Variants in SLC17A1 observed in about 807,000 individuals in gnomAD.
The protein encoded by SLC17A1 is sodium-dependent phosphate transport protein 1.
Under a neutral mutation model 53.5 loss-of-function variants are expected in SLC17A1, and 51 were observed. That is an observed-to-expected ratio of 0.95 (90% CI 0.76 to 1.20). The LOEUF (loss-of-function observed/expected upper bound fraction) is 1.20, where lower values mean the gene tolerates loss of function less well. Among genes scored for constraint, SLC17A1 ranks in the 50% most tolerant of loss-of-function variants. The pLI, the probability that SLC17A1 is intolerant of heterozygous loss-of-function variation, is 0.00. For synonymous variants in SLC17A1, 179 were observed against 198.8 expected, an observed-to-expected ratio of 0.90 and a Z score of 0.84; for missense variants, 538 against 568.2, an observed-to-expected ratio of 0.95 and a Z score of 0.54.
chr6:25,737,906 T>C, the SLC17A1 span, among the ~76,000 whole-genome samples: 6 of 152,314 alleles, frequency 3.9e-5, no homozygotes, highest in East Asian at 1.2e-3. Context: ...GGATTCTAGA[T>C]TGGTATCTAA....
At chr6:25,809,665 T>C (rs924444948) in intron 10 of SLC17A1, among the ~76,000 whole-genome samples, 2 of 151,648 alleles carry the variant, frequency 1.3e-5, no homozygotes, top group Non-Finnish European at 2.9e-5. Context: ...ATAGGAAGAA[T>C]TAATGTTGTT....
At chr6:25,798,545 T>G in intron 12 of SLC17A1, 1 of 360,556 alleles carries the variant, frequency 2.8e-6, no homozygotes, top group East Asian at 4.1e-5. Context: ...ACTTCTCTTT[T>G]TCATCCTCAT....
intron 6 of SLC17A1, among the ~76,000 whole-genome samples, chr6:25,816,340 C>T (rs529215325): frequency 1.3e-5 from 2 of 152,328 alleles, no homozygotes; most frequent in Admixed American, 1.3e-4. Context: ...CTCCTACCTC[C>T]CTTGGTCACT....
At chr6:25,744,405 T>C in the SLC17A1 span, among the ~76,000 whole-genome samples, 1 of 152,184 alleles carries the variant, frequency 6.6e-6, no homozygotes, top group Non-Finnish European at 1.5e-5. Flanking sequence ...TTAATCTCTA[T>C]AAGCAGTCAC....
the SLC17A1 span, among the ~76,000 whole-genome samples, chr6:25,746,425 C>T: frequency 6.6e-6 from 1 of 152,082 alleles, no homozygotes; most frequent in African/African-American, 2.4e-5. Flanking sequence ...TGCTAAAATG[C>T]ATTAAAAATG....
At chr6:25,732,093 G>A in the SLC17A1 span, 19 of 924,888 alleles carry the variant, frequency 2.1e-5, 1 homozygote, top group East Asian at 1.9e-4. Flanking sequence ...GTCCTCCTTC[G>A]AGTTTTAGCA....
the SLC17A1 span, among the ~76,000 whole-genome samples, chr6:25,735,921 C>A: frequency 1.2e-3 from 187 of 152,218 alleles, no homozygotes; most frequent in African/African-American, 3.5e-3. Flanking sequence ...CAAGCTGAGC[C>A]AGTAAGAATC....
chr6:25,724,774 A>G, the SLC17A1 span, among the ~76,000 whole-genome samples: 1 of 152,166 alleles, frequency 6.6e-6, no homozygotes, highest in Non-Finnish European at 1.5e-5. Flanking sequence ...TACATTTGCC[A>G]TGTTCTAAAT....
chr6:25,803,568 A>G (rs1381171645), intron 10 of SLC17A1, among the ~76,000 whole-genome samples: 1 of 152,142 alleles, frequency 6.6e-6, no homozygotes, highest in Non-Finnish European at 1.5e-5. Flanking sequence ...TAATATCTTG[A>G]AAATAACATC....
chr6:25,746,023 A>G, the SLC17A1 span, among the ~76,000 whole-genome samples: 1 of 152,226 alleles, frequency 6.6e-6, no homozygotes, highest in African/African-American at 2.4e-5. Context: ...GACAGAGAGG[A>G]TCACTCATGA....
chr6:25,736,127 G>C, the SLC17A1 span, among the ~76,000 whole-genome samples: 1 of 151,858 alleles, frequency 6.6e-6, no homozygotes, highest in South Asian at 2.1e-4. Flanking sequence ...GGGGTGGGGT[G>C]GTAGGGGGAA....
At chr6:25,824,401 A>T (rs1255541813) in intron 3 of SLC17A1, among the ~76,000 whole-genome samples, 1 of 151,884 alleles carries the variant, frequency 6.6e-6, no homozygotes, top group Admixed American at 6.6e-5. Context: ...ATTAAAAAAT[A>T]AATAAATAAA....
chr6:25,779,048 C>T, downstream of SLC17A1: 1 of 1,613,572 alleles, frequency 6.2e-7, no homozygotes, highest in Non-Finnish European at 8.5e-7. Context: ...AATTTTCTGC[C>T]TCCAGGATTC....
chr6:25,796,076 G>A (rs1485775148), intron 12 of SLC17A1, among the ~76,000 whole-genome samples: 2 of 152,084 alleles, frequency 1.3e-5, no homozygotes, highest in Non-Finnish European at 2.9e-5. Context: ...TCATAGCTGT[G>A]CCCCACTCTG....
chr6:25,815,084 T>G (rs1489248455), intron 6 of SLC17A1, among the ~76,000 whole-genome samples: 1 of 141,912 alleles, frequency 7.0e-6, no homozygotes, highest in African/African-American at 2.6e-5. Context: ...GTAATATACA[T>G]GTAATAAAAA....
At chr6:25,782,034 G>A (rs1763278801), downstream of SLC17A1, among the ~76,000 whole-genome samples, 1 of 152,200 alleles carries the variant, frequency 6.6e-6, no homozygotes, top group South Asian at 2.1e-4. Context: ...AAGTTCCTGA[G>A]AAGGTTGTGA....
chr6:25,724,956 A>G, the SLC17A1 span, among the ~76,000 whole-genome samples: 1 of 147,628 alleles, frequency 6.8e-6, no homozygotes, highest in African/African-American at 2.5e-5. Flanking sequence ...ACCTGCTTCT[A>G]TACATGCCTT....
At chr6:25,778,988 G>T, downstream of SLC17A1, 1 of 1,591,178 alleles carries the variant, frequency 6.3e-7, no homozygotes, top group Non-Finnish European at 8.6e-7. Context: ...CAGAGCCAAA[G>T]CCTTTCTGAA....
chr6:25,760,905 T>C, the SLC17A1 span, among the ~76,000 whole-genome samples: 2 of 152,236 alleles, frequency 1.3e-5, no homozygotes. Context: ...TGTCAGTTTA[T>C]TCTATTTTTG....
Sources: allele counts gnomAD v4.1 joint callset (sites outside exome capture counted in the v4.1 genomes callset), GRCh38; gene constraint gnomAD v4.1.1; transcripts MANE v1.5; gene names NCBI Gene and HGNC (gene_info 2026-07-23, HGNC 2026-07-21).